The following PNLIPRP1 variants were observed in gnomAD, a reference collection of about 807,000 sequenced individuals.
The protein encoded by PNLIPRP1 is inactive pancreatic lipase-related protein 1.
Under a neutral mutation model 54.6 loss-of-function variants are expected in PNLIPRP1, and 57 were observed. The ratio of observed to expected loss-of-function variants is 1.04; its 90% CI spans 0.84 to 1.30. The LOEUF is 1.30. Among genes scored for constraint, PNLIPRP1 ranks in the 50% most tolerant of loss-of-function variants. The probability of loss-of-function intolerance (pLI) is 0.00; values close to 1 mark genes in which losing one functional copy is unlikely to be tolerated. For missense variants in PNLIPRP1, 567 were observed against 568.5 expected, an observed-to-expected ratio of 1.00 and a Z score of 0.03; for synonymous variants, 232 against 208.8, an observed-to-expected ratio of 1.11 and a Z score of -0.96.
In PNLIPRP1 at chr10:116,609,122, C is replaced by T. The variant is rs1377178682; in HGVS notation, c.*6C>T. On this transcript the variant is annotated 3_prime_UTR_variant, in exon 13 of 13. Coordinates refer to ENST00000358834, the MANE Select transcript of PNLIPRP1 (RefSeq NM_006229.4). Reference sequence around the variant, plus strand: ...TCACCCTCACGCCCTGCTAAGCTCCCGGGGCGACGAGGCTGCTGCGTTCAC... The same window carrying T: ...TCACCCTCACGCCCTGCTAAGCTCCTGGGGCGACGAGGCTGCTGCGTTCAC... 3 of 1,603,620 alleles carry T rather than the reference C, an allele frequency of 1.9e-6. No homozygotes were observed. The highest frequency in any genetic ancestry group is 2.6e-6 in the Non-Finnish European group (3 of 1,173,766).
intron 11 of PNLIPRP1, among the ~76,000 whole-genome samples, chr10:116,604,988 C>T (rs7896202): frequency 9.2e-4 from 140 of 152,168 alleles, no homozygotes; most frequent in African/African-American, 3.3e-3. Flanking sequence ...CCACCATGCC[C>T]GGCCTCTTTC....
At chr10:116,595,857 G>A in intron 5 of PNLIPRP1, 1 of 191,890 alleles carries the variant, frequency 5.2e-6, no homozygotes, top group Non-Finnish European at 1.1e-5. Context: ...AGGGCTTAAG[G>A]AGGTCTCCCA....
At chr10:116,603,434 GT>G (rs1554865099) in intron 10 of PNLIPRP1, among the ~76,000 whole-genome samples, 1 of 152,190 alleles carries the variant, frequency 6.6e-6, no homozygotes, top group Non-Finnish European at 1.5e-5. Context: ...CAGCGAATGA[GT>G]TTGAGAAACT....
chr10:116,604,519 T>TCCACA (rs1847903080), intron 11 of PNLIPRP1, among the ~76,000 whole-genome samples: 1 of 152,146 alleles, frequency 6.6e-6, no homozygotes. Context: ...TGCTATGATG[T>TCCACA]CCACACAATG....
chr10:116,593,808 A>C (rs555236513), intron 4 of PNLIPRP1: 5 of 153,154 alleles, frequency 3.3e-5, no homozygotes, highest in Admixed American at 3.3e-4. Context: ...AAGTACAAAA[A>C]TTAGCCAGGT....
At chr10:116,592,562 CT>C (rs1554863381) in intron 4 of PNLIPRP1, 21 bp downstream of exon 4, 1 of 1,613,862 alleles carries the variant, frequency 6.2e-7, no homozygotes, top group Admixed American at 1.7e-5. Context: ...GCTCTGATCC[CT>C]GTGGCCAGCT....
chr10:116,594,905 C>T (rs1462564877), intron 5 of PNLIPRP1, 41 bp downstream of exon 5: 3 of 1,607,934 alleles, frequency 1.9e-6, no homozygotes, highest in African/African-American at 2.7e-5. Flanking sequence ...GGAAGCAGTG[C>T]CTGCTGGTCT....
At position 116,592,437 on chromosome 10, in the gene PNLIPRP1, T is replaced by C; in HGVS notation, c.226T>C (p.Ser76Pro). ...NFQILLLSDP[S>P]TIEASNFQMD... ...ACAGATTCTCCTCCTCTCTGATCCA[T>C]CAACAATTGAGGCATCAAATTTTCA... Residue 76 changes from serine (S) to proline (P), a missense_variant, in exon 4 of 13, where the codon TCA becomes CCA. By Grantham distance (74) the Ser-to-Pro change is moderately conservative. Coordinates refer to ENST00000358834, the MANE Select transcript of PNLIPRP1 (RefSeq NM_006229.4). 1.2e-6 allele frequency: 2 copies of C among 1,611,374 alleles called. No homozygotes were observed. Among genetic ancestry groups the C allele is most frequent in the South Asian group, 2.2e-5 (2 of 90,902 alleles).
intron 8 of PNLIPRP1, among the ~76,000 whole-genome samples, chr10:116,598,739 C>A (rs1189050728): frequency 6.6e-6 from 1 of 152,174 alleles, no homozygotes; most frequent in African/African-American, 2.4e-5. Flanking sequence ...TATTGTTGAT[C>A]TAGCACACTT....
chr10:116,605,206 T>TA (rs1847916565), intron 11 of PNLIPRP1, among the ~76,000 whole-genome samples, 180 bp from the exon 12 acceptor site: 1 of 152,230 alleles, frequency 6.6e-6, no homozygotes, highest in Non-Finnish European at 1.5e-5. Context: ...ACTTGAGTTT[T>TA]AAAAACCATA....
chr10:116,601,657 G>T (rs1375437112), intron 10 of PNLIPRP1, among the ~76,000 whole-genome samples: 3 of 152,168 alleles, frequency 2.0e-5, no homozygotes, highest in Non-Finnish European at 4.4e-5. Flanking sequence ...ATGCCCAGGG[G>T]CTGCCTCGCT....
chr10:116,591,405 C>T (rs1847633471), intron 2 of PNLIPRP1, among the ~76,000 whole-genome samples: 1 of 152,178 alleles, frequency 6.6e-6, no homozygotes, highest in African/African-American at 2.4e-5. Flanking sequence ...CAAGGCCAGA[C>T]ATTTCTAGGT....
intron 9 of PNLIPRP1, 92 bp from the exon 10 acceptor site, chr10:116,600,980 G>C: frequency 4.2e-6 from 5 of 1,183,264 alleles, no homozygotes; most frequent in Non-Finnish European, 6.0e-6. Flanking sequence ...AGAACGCTTA[G>C]GCTGTAGGAA....
At chr10:116,597,519 G>A (rs1412859197) in intron 6 of PNLIPRP1, among the ~76,000 whole-genome samples, 1 of 152,186 alleles carries the variant, frequency 6.6e-6, no homozygotes, top group African/African-American at 2.4e-5. Context: ...GGGAGAGAAA[G>A]GATGATGAAG....
At chr10:116,594,918 G>C (rs782193253) in intron 5 of PNLIPRP1, 54 bp downstream of exon 5, 2 of 1,593,324 alleles carry the variant, frequency 1.3e-6, no homozygotes, top group Non-Finnish European at 1.7e-6. Context: ...GCTGGTCTCT[G>C]TTTGGTAGAG....
intron 8 of PNLIPRP1, 90 bp from the exon 9 acceptor site, chr10:116,599,957 A>T: frequency 1.2e-6 from 1 of 801,956 alleles, no homozygotes. Context: ...ATACGGTCCT[A>T]CTTTGGAACC....
chr10:116,598,291 G>T, intron 8 of PNLIPRP1, 125 bp downstream of exon 8: 1 of 969,864 alleles, frequency 1.0e-6, no homozygotes, highest in South Asian at 1.9e-5. Flanking sequence ...CCCTCTTCTG[G>T]GGATTATTTC....
chr10:116,605,684 TC>T, intron 12 of PNLIPRP1, 131 bp downstream of exon 12: 1 of 554,640 alleles, frequency 1.8e-6, no homozygotes. Flanking sequence ...TGGCCCCTTC[TC>T]CCCAAACAAG....
chr10:116,599,904 C>A (rs921883296), intron 8 of PNLIPRP1, 143 bp from the exon 9 acceptor site: 1 of 682,586 alleles, frequency 1.5e-6, no homozygotes, highest in East Asian at 2.5e-5. Flanking sequence ...TGTTAATTGT[C>A]ATTATGGTGG....
Sources: allele counts gnomAD v4.1 joint callset (sites outside exome capture counted in the v4.1 genomes callset), GRCh38; gene constraint gnomAD v4.1.1; transcripts MANE v1.5; gene names NCBI Gene and HGNC (gene_info 2026-07-23, HGNC 2026-07-21).